The following EXOC6B variants were observed in gnomAD, a reference collection of about 807,000 sequenced individuals.
EXOC6B encodes the protein exocyst complex component 6B.
In EXOC6B, 54 loss-of-function variants were observed where a neutral mutation model predicts 113.5. That is an observed-to-expected ratio of 0.48 (90% confidence interval 0.38 to 0.60). The LOEUF (loss-of-function observed/expected upper bound fraction) is 0.60, where lower values mean the gene tolerates loss of function less well. Ranked by LOEUF, EXOC6B falls within the 20% of genes least tolerant of loss-of-function variation. The probability of loss-of-function intolerance (pLI) is 0.00; values close to 1 mark genes in which losing one functional copy is unlikely to be tolerated. For missense variants in EXOC6B, 797 were observed against 977.5 expected (o/e 0.82, Z 2.46); for synonymous variants, 357 against 339.0 (o/e 1.05, Z -0.58).
intron 20 of EXOC6B, among the ~76,000 whole-genome samples, chr2:72,265,859 C>T (rs1273483890): frequency 6.6e-6 from 1 of 152,232 alleles, no homozygotes; most frequent in Non-Finnish European, 1.5e-5. Context: ...AACCGGTTTA[C>T]AGTCCCAGCA....
intron 6 of EXOC6B, among the ~76,000 whole-genome samples, chr2:72,613,945 C>T (rs1041834959): frequency 1.3e-5 from 2 of 152,248 alleles, no homozygotes; most frequent in East Asian, 3.9e-4. Context: ...ATTCAAATTT[C>T]AGTGTATAAA....
At chr2:72,366,245 A>G (rs1690621183) in intron 19 of EXOC6B, among the ~76,000 whole-genome samples, 1 of 152,018 alleles carries the variant, frequency 6.6e-6, no homozygotes, top group Non-Finnish European at 1.5e-5. Context: ...GCAATGGAAG[A>G]TATCAAAAAG....
At chr2:72,339,351 T>C (rs1342916994) in intron 19 of EXOC6B, among the ~76,000 whole-genome samples, 1 of 152,118 alleles carries the variant, frequency 6.6e-6, no homozygotes, top group Non-Finnish European at 1.5e-5. Context: ...ATCTTTGCAA[T>C]CCAGAATTTT....
intron 20 of EXOC6B, among the ~76,000 whole-genome samples, chr2:72,223,767 C>T (rs1000784839): frequency 3.9e-5 from 6 of 152,140 alleles, no homozygotes; most frequent in African/African-American, 1.4e-4. Context: ...CTAATGCAAA[C>T]ACTCAGATGG....
intron 6 of EXOC6B, among the ~76,000 whole-genome samples, chr2:72,716,782 T>C (rs1679648839): frequency 6.6e-6 from 1 of 152,144 alleles, no homozygotes; most frequent in Non-Finnish European, 1.5e-5. Context: ...TTAAATAAAG[T>C]AATATTCTTC....
intron 18 of EXOC6B, among the ~76,000 whole-genome samples, chr2:72,422,674 C>A (rs890210812): frequency 1.3e-5 from 2 of 151,674 alleles, no homozygotes; most frequent in Non-Finnish European, 1.5e-5. Flanking sequence ...CTTGGAGAAC[C>A]TTTATGTCTA....
At chr2:72,523,396 G>A (rs1461844350) in intron 8 of EXOC6B, among the ~76,000 whole-genome samples, 2 of 151,778 alleles carry the variant, frequency 1.3e-5, no homozygotes, top group African/African-American at 4.8e-5. Context: ...ATTTTTGCAG[G>A]GAAAAAAAAT....
chr2:72,277,939 C>T (rs1371454188), intron 20 of EXOC6B, among the ~76,000 whole-genome samples: 1 of 151,912 alleles, frequency 6.6e-6, no homozygotes, highest in African/African-American at 2.4e-5. Context: ...TAATTTTGCT[C>T]AGTTGCAATA....
chr2:72,675,496 A>G (rs1029906916), intron 6 of EXOC6B, among the ~76,000 whole-genome samples: 1 of 152,192 alleles, frequency 6.6e-6, no homozygotes, highest in African/African-American at 2.4e-5. Flanking sequence ...TCAAACATCA[A>G]AATTAGAAAA....
intron 6 of EXOC6B, among the ~76,000 whole-genome samples, chr2:72,701,508 T>C (rs1320469578): frequency 6.6e-6 from 1 of 152,144 alleles, no homozygotes; most frequent in Non-Finnish European, 1.5e-5. Context: ...AAAATATCCA[T>C]GGAGAGTCTC....
intron 19 of EXOC6B, among the ~76,000 whole-genome samples, chr2:72,375,515 CT>C (rs1691302541): frequency 6.6e-6 from 1 of 152,042 alleles, no homozygotes; most frequent in South Asian, 2.1e-4. Context: ...ATTAATGTAT[CT>C]AAAAATTTTC....
chr2:72,722,516 C>T (rs1680074503), intron 5 of EXOC6B, among the ~76,000 whole-genome samples: 1 of 151,926 alleles, frequency 6.6e-6, no homozygotes, highest in Admixed American at 6.6e-5. Context: ...AAATCAAAGT[C>T]TTTGTTTAAG....
At chr2:72,647,725 A>C (rs1032550714) in intron 6 of EXOC6B, among the ~76,000 whole-genome samples, 1 of 152,218 alleles carries the variant, frequency 6.6e-6, no homozygotes, top group Non-Finnish European at 1.5e-5. Flanking sequence ...CTGGCTAGCT[A>C]TACATAGAAA....
At chr2:72,537,705 G>A (rs1702379262) in intron 8 of EXOC6B, among the ~76,000 whole-genome samples, 2 of 152,120 alleles carry the variant, frequency 1.3e-5, no homozygotes, top group Admixed American at 1.3e-4. Flanking sequence ...CGGAATTGAT[G>A]GAGATATAAG....
At chr2:72,344,379 G>A (rs1386235023) in intron 19 of EXOC6B, among the ~76,000 whole-genome samples, 1 of 151,552 alleles carries the variant, frequency 6.6e-6, no homozygotes, top group Non-Finnish European at 1.5e-5. Flanking sequence ...ACATCTTTAT[G>A]AGAGTTGTTT....
At chr2:72,601,626 C>A (rs2104004646) in intron 6 of EXOC6B, among the ~76,000 whole-genome samples, 2 of 152,154 alleles carry the variant, frequency 1.3e-5, no homozygotes, top group South Asian at 4.2e-4. Context: ...AATGATCAAC[C>A]AATGGATCCA....
chr2:72,669,614 C>T (rs73945610), intron 6 of EXOC6B, among the ~76,000 whole-genome samples: 3,101 of 152,198 alleles, frequency 0.02, 42 homozygotes, highest in Middle Eastern at 0.048. Context: ...TGCCATAATC[C>T]ACCATTTTTA....
intron 20 of EXOC6B, among the ~76,000 whole-genome samples, chr2:72,299,083 C>A (rs976651630): frequency 2.0e-5 from 3 of 152,056 alleles, no homozygotes; most frequent in Non-Finnish European, 2.9e-5. Flanking sequence ...GAGTGTTTTC[C>A]AGCTCGGTTC....
chr2:72,228,865 A>G (rs1404170884), intron 20 of EXOC6B, among the ~76,000 whole-genome samples: 1 of 152,184 alleles, frequency 6.6e-6, no homozygotes, highest in Non-Finnish European at 1.5e-5. Flanking sequence ...TGGTTGAACC[A>G]GTTTACAGTC....
Sources: gnomAD v4.1 joint callset for allele counts (sites outside exome capture counted in the v4.1 genomes callset) on GRCh38, gnomAD v4.1.1 for gene constraint, MANE v1.5 for transcripts, NCBI Gene and HGNC (gene_info 2026-07-23, HGNC 2026-07-21) for gene names.